ARHGAP44: variants seen among roughly 807,000 people sequenced by gnomAD.
ARHGAP44 encodes Rho GTPase activating protein 44.
In ARHGAP44, 43 loss-of-function variants were observed where a neutral mutation model predicts 106.8. That is an observed-to-expected ratio of 0.40 (90% confidence interval 0.32 to 0.52). The LOEUF is 0.52. Ranked by LOEUF, ARHGAP44 falls within the 20% of genes least tolerant of loss-of-function variation. The pLI is 0.48. For synonymous variants in ARHGAP44, 439 were observed against 410.3 expected, an observed-to-expected ratio of 1.07 and a Z score of -0.85; for missense variants, 866 against 1,050.5, an observed-to-expected ratio of 0.82 and a Z score of 2.43.
intron 1 of ARHGAP44, among the ~76,000 whole-genome samples, chr17:12,886,559 T>C (rs543852610): frequency 6.6e-6 from 1 of 152,202 alleles, no homozygotes; most frequent in African/African-American, 2.4e-5. Context: ...CTAAGTGTTT[T>C]TTTAAGAAAC....
At chr17:12,911,966 C>T (rs150628525) in intron 4 of ARHGAP44, among the ~76,000 whole-genome samples, 48 of 152,326 alleles carry the variant, frequency 3.2e-4, no homozygotes, top group Non-Finnish European at 5.1e-4. Flanking sequence ...CAATAAGTGA[C>T]GCAACCACGT....
intron 3 of ARHGAP44, among the ~76,000 whole-genome samples, chr17:12,904,850 G>T (rs1180012451): frequency 2.6e-5 from 4 of 152,142 alleles, no homozygotes; most frequent in African/African-American, 9.7e-5. Flanking sequence ...TGAGGGATGA[G>T]TGAGTGTGGG....
chr17:12,896,343 C>A (rs2037204522), intron 2 of ARHGAP44, 64 bp from the exon 3 acceptor site: 1 of 1,374,408 alleles, frequency 7.3e-7, no homozygotes, highest in Non-Finnish European at 1.0e-6. Flanking sequence ...TTGTCCACAC[C>A]CACAATCCCT....
At chr17:12,941,000 T>C in intron 7 of ARHGAP44, 56 bp from the exon 8 acceptor site, 1 of 1,495,112 alleles carries the variant, frequency 6.7e-7, no homozygotes, top group South Asian at 1.1e-5. Context: ...ACTTATGCAT[T>C]AGCCACTCTC....
At chr17:12,935,547 G>A (rs1209668670) in intron 7 of ARHGAP44, among the ~76,000 whole-genome samples, 1 of 146,484 alleles carries the variant, frequency 6.8e-6, no homozygotes, top group African/African-American at 2.6e-5. Context: ...TCCAGCTGGG[G>A]CAACAGAGTG....
intron 16 of ARHGAP44, among the ~76,000 whole-genome samples, chr17:12,971,289 A>G (rs2039522063): frequency 2.0e-5 from 3 of 152,192 alleles, no homozygotes; most frequent in African/African-American, 7.2e-5. Flanking sequence ...TCCTGATGCT[A>G]GAAGGTACTG....
At chr17:12,977,290 GT>G (rs1406690118) in intron 18 of ARHGAP44, among the ~76,000 whole-genome samples, 1 of 152,094 alleles carries the variant, frequency 6.6e-6, no homozygotes, top group Non-Finnish European at 1.5e-5. Flanking sequence ...GTGTTCCATT[GT>G]TTTTGTTTGT....
rs564240869 is a variant in ARHGAP44, at chr17:12,941,670, A to G, written c.651+546A>G. The stretch of plus-strand genomic sequence containing the variant: ...TTATGAAAGGCAGTGACTGATAGGT[A>G]TATGATGATTGATGTGGCCTGTTGG... On this transcript the variant is annotated intron_variant, in intron 8 of 20. Transcript: ENST00000379672. Among the ~76,000 whole-genome samples, 8 of 152,306 alleles carry G rather than the reference A, an allele frequency of 5.3e-5. No homozygotes were observed. In the South Asian group the frequency reaches 1.7e-3, roughly 32 times the overall value.
At chr17:12,839,437 T>C (rs2150826357) in intron 1 of ARHGAP44, among the ~76,000 whole-genome samples, 1 of 152,340 alleles carries the variant, frequency 6.6e-6, no homozygotes, top group East Asian at 1.9e-4. Flanking sequence ...TAAAATGATC[T>C]CTTCTTGAAT....
intron 1 of ARHGAP44, among the ~76,000 whole-genome samples, chr17:12,845,268 G>C (rs922855775): frequency 6.6e-6 from 1 of 151,994 alleles, no homozygotes; most frequent in African/African-American, 2.4e-5. Context: ...CCAGCACTTT[G>C]GGAGGCTGAG....
chr17:12,861,373 A>C (rs1014388379), intron 1 of ARHGAP44, among the ~76,000 whole-genome samples: 1 of 152,148 alleles, frequency 6.6e-6, no homozygotes, highest in Non-Finnish European at 1.5e-5. Flanking sequence ...TTATCATCTT[A>C]CAGTTCTGGA....
intron 1 of ARHGAP44, among the ~76,000 whole-genome samples, chr17:12,888,817 A>G (rs1398990215): frequency 6.6e-6 from 1 of 150,810 alleles, no homozygotes; most frequent in Non-Finnish European, 1.5e-5. Context: ...TAGTGGCTTG[A>G]CCCTTTTGTC....
chr17:12,943,033 A>T (rs899384934), intron 8 of ARHGAP44, among the ~76,000 whole-genome samples: 1 of 152,228 alleles, frequency 6.6e-6, no homozygotes, highest in African/African-American at 2.4e-5. Context: ...TAAGTCGTAC[A>T]TATCTCATAA....
chr17:12,953,858 G>A (rs1567706638), intron 13 of ARHGAP44, among the ~76,000 whole-genome samples: 2 of 152,058 alleles, frequency 1.3e-5, no homozygotes, highest in Non-Finnish European at 2.9e-5. Context: ...GTTGCCAGGG[G>A]CTAGGAGACA....
chr17:12,840,424 A>T (rs2150827748), intron 1 of ARHGAP44, among the ~76,000 whole-genome samples: 1 of 152,362 alleles, frequency 6.6e-6, no homozygotes, highest in South Asian at 2.1e-4. Context: ...AGCCACAGTC[A>T]AATAAGCCAC....
At chr17:12,905,277 G>A (rs895527150) in intron 3 of ARHGAP44, among the ~76,000 whole-genome samples, 1 of 152,128 alleles carries the variant, frequency 6.6e-6, no homozygotes, top group African/African-American at 2.4e-5. Flanking sequence ...AAATTAAAAA[G>A]CATATCCCTT....
chr17:12,920,375 CAAA>C (rs11408733), intron 6 of ARHGAP44, among the ~76,000 whole-genome samples: 4 of 89,216 alleles, frequency 4.5e-5, no homozygotes, highest in African/African-American at 1.1e-4. Flanking sequence ...GACTCCATCT[CAAA>C]AAAAAAAAAA....
chr17:12,937,489 C>A (rs1162576772), intron 7 of ARHGAP44, among the ~76,000 whole-genome samples: 1 of 152,180 alleles, frequency 6.6e-6, no homozygotes, highest in African/African-American at 2.4e-5. Context: ...TGCCCCAGTA[C>A]TGATTTCCGC....
chr17:12,990,324 T>G lies in ARHGAP44; in HGVS notation c.*153T>G. 2.9e-6 allele frequency: 3 copies of G among 1,017,948 alleles called. No homozygotes were observed. Among genetic ancestry groups the G allele is most frequent in the Non-Finnish European group, 2.8e-6 (2 of 713,006 alleles). 63.1% of individuals were successfully genotyped at this position (1,017,948 alleles called of 1,614,324 possible). ...TGGAATTTGGCAGAAAATTGTGATC[T>G]CCAGTCCGTGTGGTGATGCTGGTGG... On this transcript the variant is annotated 3_prime_UTR_variant, in exon 21 of 21. Coordinates refer to ENST00000379672, the MANE Select transcript of ARHGAP44 (RefSeq NM_014859.6).
Sources: gnomAD v4.1 joint callset for allele counts (sites outside exome capture counted in the v4.1 genomes callset) on GRCh38, gnomAD v4.1.1 for gene constraint, MANE v1.5 for transcripts, NCBI Gene and HGNC (gene_info 2026-07-23, HGNC 2026-07-21) for gene names.